The following RSRC1 variants were observed in gnomAD, a reference collection of about 807,000 sequenced individuals.
The protein encoded by RSRC1 is serine/Arginine-related protein 53.
A neutral mutation model predicts 49.1 loss-of-function variants in RSRC1; 39 were observed. That is an observed-to-expected ratio of 0.79 (90% confidence interval 0.61 to 1.04). The LOEUF is 1.04. Among genes scored for constraint, RSRC1 ranks in the 50% least tolerant of loss-of-function variants. The pLI, the probability that RSRC1 is intolerant of heterozygous loss-of-function variation, is 0.00. For synonymous variants in RSRC1, 143 were observed against 130.8 expected, an observed-to-expected ratio of 1.09 and a Z score of -0.63; for missense variants, 388 against 402.4, an observed-to-expected ratio of 0.96 and a Z score of 0.31.
At chr3:158,182,084 A>G (rs1244881935) in intron 3 of RSRC1, among the ~76,000 whole-genome samples, 1 of 152,154 alleles carries the variant, frequency 6.6e-6, no homozygotes, top group Non-Finnish European at 1.5e-5. Context: ...GGAGGTTGGG[A>G]GAGAGGGCAG....
At chr3:158,263,140 TA>T (rs1724990334) in intron 4 of RSRC1, among the ~76,000 whole-genome samples, 1 of 152,140 alleles carries the variant, frequency 6.6e-6, no homozygotes, top group African/African-American at 2.4e-5. Context: ...CTTTTTCCAT[TA>T]TTTTGATGTT....
In RSRC1 at chr3:158,229,390, A is replaced by ATGTATG. The variant is rs1559952782; in HGVS notation, c.494+26146_494+26147insGTATGT. On this transcript the variant is annotated intron_variant, in intron 4 of 9. Transcript: ENST00000611884. ...CACGTATATGTGTATGTATGTGTATATATATACACATACACACGTATATGT... is the reference window on the plus strand; with the variant it reads ...CACGTATATGTGTATGTATGTGTATATGTATGTATATACACATACACACGTATATGT... 2.5e-4 allele frequency among the ~76,000 whole-genome samples: 27 copies of ATGTATG among 107,468 alleles called. 1 individual carries two copies. Among genetic ancestry groups the ATGTATG allele is most frequent in the Admixed American group, 4.8e-4 (5 of 10,374 alleles). 70.5% of individuals were successfully genotyped at this position (107,468 alleles called of 152,430 possible).
intron 6 of RSRC1, among the ~76,000 whole-genome samples, chr3:158,413,282 C>T (rs1223584562): frequency 6.6e-6 from 1 of 152,096 alleles, no homozygotes; most frequent in East Asian, 1.9e-4. Context: ...AACTGGCTAG[C>T]CATGTGCAGA....
At chr3:158,274,000 T>C (rs1421402302) in intron 4 of RSRC1, among the ~76,000 whole-genome samples, 1 of 152,176 alleles carries the variant, frequency 6.6e-6, no homozygotes, top group East Asian at 1.9e-4. Flanking sequence ...AACATGGTAA[T>C]GACCCTATAA....
intron 3 of RSRC1, among the ~76,000 whole-genome samples, chr3:158,132,885 A>C (rs1559912726): frequency 6.6e-6 from 1 of 152,232 alleles, no homozygotes; most frequent in Non-Finnish European, 1.5e-5. Context: ...AAAATGATTA[A>C]GTATGCCCAG....
intron 6 of RSRC1, among the ~76,000 whole-genome samples, chr3:158,402,258 T>A (rs1733929935): frequency 6.6e-6 from 1 of 151,520 alleles, no homozygotes; most frequent in African/African-American, 2.4e-5. Context: ...ACTGAGAGGG[T>A]TTTTTCCCCC....
At chr3:158,197,509 G>C (rs1045177688) in intron 3 of RSRC1, among the ~76,000 whole-genome samples, 1 of 152,004 alleles carries the variant, frequency 6.6e-6, no homozygotes, top group African/African-American at 2.4e-5. Context: ...CTTCAGTTCT[G>C]CTCTGATGTT....
In RSRC1 at chr3:158,487,949, G is replaced by GAAAAAAAAAA. The variant is rs58689210; in HGVS notation, c.652+26962_652+26971dup. 3.0e-3 allele frequency among the ~76,000 whole-genome samples: 87 copies of GAAAAAAAAAA among 28,914 alleles called. 8 individuals carry two copies. Among genetic ancestry groups the GAAAAAAAAAA allele is most frequent in the African/African-American group, 0.01 (76 of 7,480 alleles). The allele number at this position is 28,914 out of a possible 152,430, so 19.0% of individuals were successfully genotyped here. On this transcript the variant is annotated intron_variant, in intron 7 of 9. Coordinates refer to ENST00000611884, the MANE Select transcript of RSRC1 (RefSeq NM_001271838.2). ...TAGGAGACAAGAGACTCCATCTCAAGAAAAAAAAAAAAAAAAAAAAAAAAA... is the reference window on the plus strand; with the variant it reads ...TAGGAGACAAGAGACTCCATCTCAAGAAAAAAAAAAAAAAAAAAAAAAAAAAAAAAAAAAA...
intron 4 of RSRC1, among the ~76,000 whole-genome samples, chr3:158,269,216 C>G (rs745728642): frequency 6.6e-6 from 1 of 152,054 alleles, no homozygotes; most frequent in African/African-American, 2.4e-5. Flanking sequence ...TTTAGGACCT[C>G]TTCATGAATA....
intron 5 of RSRC1, among the ~76,000 whole-genome samples, chr3:158,319,624 C>T (rs1019348092): frequency 6.6e-6 from 1 of 152,102 alleles, no homozygotes; most frequent in African/African-American, 2.4e-5. Context: ...ACTAAACCAT[C>T]GCATTTCATG....
At chr3:158,517,652 G>C (rs1455685235) in intron 7 of RSRC1, among the ~76,000 whole-genome samples, 2 of 150,776 alleles carry the variant, frequency 1.3e-5, no homozygotes, top group Non-Finnish European at 1.5e-5. Flanking sequence ...GAGTGCAGTG[G>C]CATGATCATG....
chr3:158,271,132 CTA>C (rs1020688992), intron 4 of RSRC1, among the ~76,000 whole-genome samples: 1 of 114,736 alleles, frequency 8.7e-6, no homozygotes, highest in African/African-American at 3.6e-5. Context: ...ACAAAATACA[CTA>C]ATTTTTTTGA....
At chr3:158,260,055 A>T (rs1445908344) in intron 4 of RSRC1, among the ~76,000 whole-genome samples, 1 of 152,094 alleles carries the variant, frequency 6.6e-6, no homozygotes, top group African/African-American at 2.4e-5. Flanking sequence ...CCAGGTGTCC[A>T]CTTGGTGCTC....
intron 7 of RSRC1, among the ~76,000 whole-genome samples, chr3:158,461,306 G>A (rs981242174): frequency 6.6e-6 from 1 of 151,866 alleles, no homozygotes; most frequent in African/African-American, 2.4e-5. Context: ...ATCAGTCACA[G>A]AAATAGATTG....
intron 7 of RSRC1, among the ~76,000 whole-genome samples, chr3:158,534,853 T>C (rs1712628886): frequency 6.6e-6 from 1 of 151,426 alleles, no homozygotes; most frequent in Non-Finnish European, 1.5e-5. Flanking sequence ...CATAGTAGTA[T>C]GTAGTATGCT....
intron 6 of RSRC1, among the ~76,000 whole-genome samples, chr3:158,376,209 A>T (rs1375288643): frequency 4.6e-4 from 8 of 17,430 alleles, no homozygotes; most frequent in Non-Finnish European, 4.7e-4. Context: ...TTTTTTTTTT[A>T]AAGACAGAGT....
intron 5 of RSRC1, among the ~76,000 whole-genome samples, chr3:158,311,991 A>T (rs761748969): frequency 1.3e-5 from 2 of 152,122 alleles, no homozygotes; most frequent in Non-Finnish European, 2.9e-5. Context: ...AATCCATAAG[A>T]GTAAATTAAT....
intron 6 of RSRC1, among the ~76,000 whole-genome samples, chr3:158,377,658 CTTT>C (rs765720304): frequency 1.4e-5 from 2 of 144,252 alleles, no homozygotes. Flanking sequence ...TCCGATATTC[CTTT>C]TTTTTTTTTT....
At chr3:158,241,258 G>C (rs1723560055) in intron 4 of RSRC1, among the ~76,000 whole-genome samples, 1 of 151,752 alleles carries the variant, frequency 6.6e-6, no homozygotes, top group Non-Finnish European at 1.5e-5. Flanking sequence ...GACCAGCCTG[G>C]CCAATGTGGC....
Sources: gnomAD v4.1 joint callset for allele counts (sites outside exome capture counted in the v4.1 genomes callset) on GRCh38, gnomAD v4.1.1 for gene constraint, MANE v1.5 for transcripts, NCBI Gene and HGNC (gene_info 2026-07-23, HGNC 2026-07-21) for gene names.